ERCC1: variants seen among roughly 807,000 people sequenced by gnomAD.
ERCC1 encodes DNA excision repair protein ERCC-1.
ERCC1 carries 36 observed loss-of-function variants against 37.6 expected under a neutral mutation model. That is an observed-to-expected ratio of 0.96 (90% confidence interval 0.73 to 1.26). ERCC1 has a LOEUF of 1.26. ERCC1 is among the 50% of genes most tolerant of loss of function. ERCC1 has a pLI of 0.00. For synonymous variants in ERCC1, 156 were observed against 162.1 expected (o/e 0.96, Z 0.28); for missense variants, 349 against 376.5 (o/e 0.93, Z 0.60).
At chr19:45,440,129 C>T (rs1416124787) in intron 1 of ERCC1, among the ~76,000 whole-genome samples, 1 of 151,616 alleles carries the variant, frequency 6.6e-6, no homozygotes, top group African/African-American at 2.4e-5. Flanking sequence ...ACTGCGACCC[C>T]GCCCCGCCGC....
chr19:45,439,819 C>T (rs961641990), intron 1 of ERCC1, among the ~76,000 whole-genome samples: 2 of 151,934 alleles, frequency 1.3e-5, no homozygotes, highest in African/African-American at 2.4e-5. Flanking sequence ...GGTAGGGGGA[C>T]GGCTGTGACT....
chr19:45,441,418 T>C (rs1975116313), intron 1 of ERCC1, among the ~76,000 whole-genome samples: 1 of 151,992 alleles, frequency 6.6e-6, no homozygotes, highest in Non-Finnish European at 1.5e-5. Context: ...ATCCCTGAGG[T>C]GAAATGTGGG....
At position 45,423,308 on chromosome 19, in the gene ERCC1, C is replaced by G. The variant is rs1163884945; in HGVS notation, c.67G>C (p.Val23Leu). 1 of 1,613,950 alleles carries G rather than the reference C, an allele frequency of 6.2e-7. No homozygotes were observed. Reference sequence around the variant, plus strand: ...ACCTCATCCTCGTCGAGGGGTATCACAAATTTCTTCCTTGCTGGCGGCCCT... The same window carrying G: ...ACCTCATCCTCGTCGAGGGGTATCAGAAATTTCTTCCTTGCTGGCGGCCCT... ...PSGPPARKKF[V>L]IPLDEDEVPP... Residue 23 changes from valine (V) to leucine (L), a missense_variant, in exon 2 of 10, where the codon GTG becomes CTG. Physicochemically the swap from Val to Leu is conservative, Grantham distance 32. Transcript: ENST00000300853.
In ERCC1 at chr19:45,408,947, A is replaced by G. The variant is rs1018947921; in HGVS notation, c.*728T>C. ...GGAGGAAGCCATCCCTCTGCCCCCT[A>G]CGAAGAAGAGGAAAAAAGAAAAGGG... On this transcript the variant is annotated 3_prime_UTR_variant, in exon 10 of 10. Transcript: ENST00000300853. 1.2e-6 allele frequency: 2 copies of G among 1,614,080 alleles called. No homozygotes were observed. Among genetic ancestry groups the G allele is most frequent in the Non-Finnish European group, 1.7e-6 (2 of 1,179,996 alleles).
At chr19:45,423,172 A>G in intron 2 of ERCC1, 98 bp downstream of exon 2, 1 of 1,258,234 alleles carries the variant, frequency 7.9e-7, no homozygotes, top group Non-Finnish European at 1.1e-6. Context: ...GTGGCCCCCA[A>G]ATCCACTAAC....
rs747782605 is a variant in ERCC1 at position 45,421,299 on chromosome 19, T to C, written c.200A>G (p.Gln67Arg). The C allele has an allele frequency of 6.2e-7, 1 of 1,614,168 alleles. No homozygotes were observed. The highest frequency in any genetic ancestry group is 1.7e-5 in the Admixed American group (1 of 60,012). ...CGTGGCCCCAGCCCCTTCCAGAGGC[T>C]GTGAGATGGCATATTCGGCGTAGGT... ...PQTYAEYAIS[Q>R]PLEGAGATCP... The change falls in exon 3 of 10, where the codon CAG becomes CGG. Residue 67 changes from glutamine to arginine, a missense_variant. Physicochemically the swap from Gln to Arg is conservative, Grantham distance 43. Transcript: ENST00000300853.
chr19:45,419,522 C>T (rs1393889466), intron 4 of ERCC1: 3 of 362,782 alleles, frequency 8.3e-6, no homozygotes, highest in Non-Finnish European at 1.6e-5. Context: ...CACTGCATGG[C>T]TCGCGGTGGG....
At chr19:45,429,871 G>A (rs1974790985) in intron 1 of ERCC1, among the ~76,000 whole-genome samples, 1 of 151,988 alleles carries the variant, frequency 6.6e-6, no homozygotes, top group African/African-American at 2.4e-5. Context: ...TGCAACTTCC[G>A]CCTCCCAGGT....
At chr19:45,411,662 C>T (rs543762015) in intron 9 of ERCC1, among the ~76,000 whole-genome samples, 2 of 151,908 alleles carry the variant, frequency 1.3e-5, no homozygotes, top group East Asian at 2.0e-4. Flanking sequence ...GGCATGGTAG[C>T]GAGTGCCTGT....
rs376832053 is a variant in ERCC1 at position 45,414,013 on chromosome 19, C to T, written c.724G>A (p.Val242Met). The change falls in exon 8 of 10, where the codon GTG becomes ATG. Residue 242 changes from valine (V) to methionine (M), a missense_variant. By Grantham distance (21) the Val-to-Met change is conservative. Coordinates refer to ENST00000300853, the MANE Select transcript of ERCC1 (RefSeq NM_001983.4). ...VSRVTECLTT[V>M]KSVNKTDSQT... is the part of the protein sequence containing the mutation. ...CTGTCCGTTTTGTTGACTGACTTCA[C>T]GGTGGTCAGACATTCAGTCACCTGG... The T allele has an allele frequency of 6.3e-5, 101 of 1,613,104 alleles. No homozygotes were observed. Among genetic ancestry groups the T allele is most frequent in the Non-Finnish European group, 8.6e-5 (101 of 1,179,888 alleles).
In ERCC1 at chr19:45,408,822, C is replaced by T. The variant is rs1973505692; in HGVS notation, c.*853G>A. The stretch of plus-strand genomic sequence containing the variant: ...GAGCCTCTAGAAGACACAGTCCTGT[C>T]CCCGACCAAAAAGAGAAAGAGGCAA... On this transcript the variant is annotated 3_prime_UTR_variant, in exon 10 of 10. Coordinates refer to ENST00000300853, the MANE Select transcript of ERCC1 (RefSeq NM_001983.4). 1 of 1,613,978 alleles carries T rather than the reference C, an allele frequency of 6.2e-7. No homozygotes were observed.
At chr19:45,414,716 C>T (rs998362473) in intron 7 of ERCC1, 145 bp downstream of exon 7, 2 of 654,492 alleles carry the variant, frequency 3.1e-6, no homozygotes, top group African/African-American at 3.6e-5. Flanking sequence ...TCAGGAAAAC[C>T]CCTCTAGCTG....
intron 1 of ERCC1, chr19:45,450,637 G>C (rs1442884949): frequency 6.6e-6 from 1 of 152,172 alleles, no homozygotes; most frequent in African/African-American, 2.4e-5. Flanking sequence ...GTGATGGTGC[G>C]CACCTGTAAT....
upstream of ERCC1, among the ~76,000 whole-genome samples, chr19:45,425,098 T>G (rs965665737): frequency 9.1e-5 from 10 of 110,376 alleles, no homozygotes; most frequent in South Asian, 3.0e-4. Flanking sequence ...TTTTTTTTTT[T>G]TTTTTTTTGT....
At chr19:45,444,778 C>G (rs1180800597) in intron 1 of ERCC1, among the ~76,000 whole-genome samples, 1 of 152,204 alleles carries the variant, frequency 6.6e-6, no homozygotes, top group African/African-American at 2.4e-5. Context: ...AACACCGAGG[C>G]CGGCAGGGAC....
rs774090319 is a variant in ERCC1 at position 45,409,380 on chromosome 19, G to C, written c.*295C>G. On this transcript the variant is annotated 3_prime_UTR_variant, in exon 10 of 10. Coordinates refer to ENST00000300853, the MANE Select transcript of ERCC1 (RefSeq NM_001983.4). ...AGGAAGAAGCAGAGTCAGGAAAGCC[G>C]GATGCCAGAGACAGTGCCCCAAGAG... 1.9e-6 allele frequency: 3 copies of C among 1,614,052 alleles called. No individual in the cohort carries two copies. Among genetic ancestry groups the C allele is most frequent in the Non-Finnish European group, 8.5e-7 (1 of 1,179,988 alleles).
At position 45,408,974 on chromosome 19, in the gene ERCC1, C is replaced by G; in HGVS notation, c.*701G>C. ...GAAGAAGAGGAAAAAAGAAAAGGGA[C>G]AGATGGCAATGATGGAGCCAGGGAC... is the stretch of plus-strand genomic sequence containing the variant. On this transcript the variant is annotated 3_prime_UTR_variant, in exon 10 of 10. Coordinates refer to ENST00000300853, the MANE Select transcript of ERCC1 (RefSeq NM_001983.4). The G allele has an allele frequency of 6.2e-7, 1 of 1,613,942 alleles. No individual in the cohort carries two copies. Among genetic ancestry groups the G allele is most frequent in the Non-Finnish European group, 8.5e-7 (1 of 1,179,990 alleles).
chr19:45,430,896 G>T (rs1974814187), intron 1 of ERCC1, among the ~76,000 whole-genome samples: 1 of 151,814 alleles, frequency 6.6e-6, no homozygotes, highest in Non-Finnish European at 1.5e-5. Context: ...AACAGAGCAA[G>T]ACCTCGTCTC....
intron 1 of ERCC1, among the ~76,000 whole-genome samples, chr19:45,434,155 CAAAA>C (rs138387403): frequency 4.2e-4 from 41 of 97,432 alleles, no homozygotes; most frequent in African/African-American, 7.1e-4. Context: ...CACACACACA[CAAAA>C]AAAAAAAAAA....
Sources: allele counts gnomAD v4.1 joint callset (sites outside exome capture counted in the v4.1 genomes callset), GRCh38; gene constraint gnomAD v4.1.1; transcripts MANE v1.5; gene names NCBI Gene and HGNC (gene_info 2026-07-23, HGNC 2026-07-21).